SNAPC1: variants seen among roughly 807,000 people sequenced by gnomAD.
The protein encoded by SNAPC1 is small nuclear RNA activating complex polypeptide 1.
A neutral mutation model predicts 50.1 loss-of-function variants in SNAPC1; 42 were observed. The ratio of observed to expected loss-of-function variants is 0.84; its 90% CI spans 0.65 to 1.08. The LOEUF (loss-of-function observed/expected upper bound fraction) is 1.08. Among genes scored for constraint, SNAPC1 ranks in the 50% least tolerant of loss-of-function variants. The pLI is 0.00. For synonymous variants in SNAPC1, 164 were observed against 144.2 expected (o/e 1.14, Z -0.98); for missense variants, 477 against 427.3 (o/e 1.12, Z -1.02).
At chr14:61,782,895 GA>G (rs1385047889) in intron 8 of SNAPC1, among the ~76,000 whole-genome samples, 1 of 151,614 alleles carries the variant, frequency 6.6e-6, no homozygotes, top group Non-Finnish European at 1.5e-5. Context: ...GACAGAGCAA[GA>G]CTCTCAAAAC....
chr14:61,768,880 C>G (rs1320064324), intron 4 of SNAPC1, 140 bp downstream of exon 4: 2 of 530,752 alleles, frequency 3.8e-6, no homozygotes, highest in East Asian at 5.8e-5. Context: ...TCTAGAGTAT[C>G]AGACATAAAA....
At chr14:61,771,489 C>G (rs536999643) in intron 4 of SNAPC1, among the ~76,000 whole-genome samples, 3 of 151,974 alleles carry the variant, frequency 2.0e-5, no homozygotes. Context: ...TTTTTTTTCC[C>G]TCTAGCAGCT....
chr14:61,776,081 C>G lies in SNAPC1; in HGVS notation c.535-14C>G. ...AAAAGTGAAGAAATAAAGGACTCAT[C>G]TTTTTGCTTTTAGGAAATGCTGAAT... On this transcript the variant is annotated splice_polypyrimidine_tract_variant and intron_variant, in intron 4 of 9. Coordinates refer to ENST00000216294, the MANE Select transcript of SNAPC1 (RefSeq NM_003082.4). 6.4e-7 allele frequency: 1 copy of G among 1,566,614 alleles called. No individual in the cohort carries two copies.
chr14:61,782,381 G>T lies in SNAPC1; in HGVS notation c.960G>T (p.Met320Ile). The T allele has an allele frequency of 6.2e-7, 1 of 1,609,646 alleles. No homozygotes were observed. Among genetic ancestry groups the T allele is most frequent in the Non-Finnish European group, 8.5e-7 (1 of 1,178,852 alleles). Residue 320 changes from methionine (M) to isoleucine (I), a missense_variant, in exon 8 of 10, where the codon ATG becomes ATT. By Grantham distance (10) the Met-to-Ile change is conservative. Coordinates refer to ENST00000216294, the MANE Select transcript of SNAPC1 (RefSeq NM_003082.4). ...GATTGAAACCAGCAGGAAGGAAGATGTCTCTCAGAAACAAAGGTAACTTTT... is the reference window on the plus strand; with the variant it reads ...GATTGAAACCAGCAGGAAGGAAGATTTCTCTCAGAAACAAAGGTAACTTTT... The part of the protein sequence containing the change: ...KERLKPAGRK[M>I]SLRNKGNVQN...
In SNAPC1 at chr14:61,796,412, A is replaced by T. The variant is rs927766644; in HGVS notation, c.*1429A>T. The stretch of plus-strand genomic sequence containing the variant: ...GAATGCTAATGCTGACGCAAATAAA[A>T]TTTTCATTTATTAGCATTCATGCAG... On this transcript the variant is annotated 3_prime_UTR_variant, in exon 10 of 10. Transcript: ENST00000216294. 2 of 152,300 alleles carry T rather than the reference A, an allele frequency of 1.3e-5. No individual in the cohort carries two copies. Among genetic ancestry groups the T allele is most frequent in the African/African-American group, 4.8e-5 (2 of 41,556 alleles). 9.4% of individuals were successfully genotyped at this position (152,300 alleles called of 1,614,324 possible).
intron 1 of SNAPC1, among the ~76,000 whole-genome samples, chr14:61,762,819 T>TG (rs1411320276): frequency 1.3e-5 from 2 of 151,936 alleles, no homozygotes; most frequent in Non-Finnish European, 2.9e-5. Context: ...CGTCTCTGCC[T>TG]GGCCTCCCTT....
rs775498003 is a variant in SNAPC1, at chr14:61,762,541, G to T, written c.81G>T (p.Glu27Asp). ...RFQETDSVRF[E>D]DFTELWRNMK... is the part of the protein sequence containing the mutation. Reference sequence around the variant, plus strand: ...AGGAGACGGACAGTGTACGCTTCGAGGACTTCACGGAGCTCTGGAGAAACA... The same window carrying T: ...AGGAGACGGACAGTGTACGCTTCGATGACTTCACGGAGCTCTGGAGAAACA... The change falls in exon 1 of 10, where the codon GAG becomes GAT. Residue 27 changes from glutamate to aspartate, a missense_variant. Transcript: ENST00000216294. 4 of 1,563,380 alleles carry T rather than the reference G, an allele frequency of 2.6e-6. No homozygotes were observed. Among genetic ancestry groups the T allele is most frequent in the Admixed American group, 1.8e-5 (1 of 55,640 alleles).
Position 61,778,840 on chromosome 14 carries a change from A to G in SNAPC1, c.763-8A>G. The G allele has an allele frequency of 6.5e-7, 1 of 1,542,710 alleles. No individual in the cohort carries two copies. The highest frequency in any genetic ancestry group is 1.2e-5 in the South Asian group (1 of 81,128). On this transcript the variant is annotated splice_region_variant and splice_polypyrimidine_tract_variant and intron_variant, in intron 6 of 9. Coordinates refer to ENST00000216294, the MANE Select transcript of SNAPC1 (RefSeq NM_003082.4). ...TTAACTTTTTTTTCCTTCTTATTTT[A>G]CATCCAGAGATGTGAAAGGGCAGAA...
chr14:61,792,107 GA>G (rs59143719), intron 8 of SNAPC1, among the ~76,000 whole-genome samples: 1,246 of 114,306 alleles, frequency 0.011, 10 homozygotes, highest in Middle Eastern at 0.031. Context: ...CATTAAAAAA[GA>G]AAAAAAAAAA....
intron 1 of SNAPC1, among the ~76,000 whole-genome samples, chr14:61,762,981 C>CTTT (rs145378546): frequency 0.029 from 2,144 of 72,944 alleles, 601 homozygotes; most frequent in Middle Eastern, 0.094. Context: ...CCAAAGTTGT[C>CTTT]TTTTTTTTTT....
chr14:61,767,157 T>A (rs2044954083), intron 2 of SNAPC1, 55 bp from the exon 3 acceptor site: 2 of 1,274,584 alleles, frequency 1.6e-6, no homozygotes, highest in Non-Finnish European at 2.1e-6. Flanking sequence ...AATTATAATA[T>A]GTTTGTGAAA....
At chr14:61,782,213 T>C (rs1283132720) in intron 7 of SNAPC1, 34 bp from the exon 8 acceptor site, 1 of 1,469,726 alleles carries the variant, frequency 6.8e-7, no homozygotes. Flanking sequence ...ATTCATTTTA[T>C]AATTTATTGG....
At chr14:61,792,411 A>C (rs1424585944) in intron 8 of SNAPC1, among the ~76,000 whole-genome samples, 1 of 152,254 alleles carries the variant, frequency 6.6e-6, no homozygotes, top group East Asian at 1.9e-4. Flanking sequence ...GTTCACATCC[A>C]AAAGTAAGGC....
chr14:61,792,312 T>C (rs1220152943), intron 8 of SNAPC1, among the ~76,000 whole-genome samples: 1 of 152,192 alleles, frequency 6.6e-6, no homozygotes. Flanking sequence ...GTAGAGAACC[T>C]CTAGTGTTTT....
chr14:61,773,683 A>G (rs1006315759), intron 4 of SNAPC1, among the ~76,000 whole-genome samples: 2 of 145,576 alleles, frequency 1.4e-5, no homozygotes, highest in African/African-American at 5.1e-5. Flanking sequence ...GGCGCGGGCC[A>G]CCATGCCTGG....
intron 8 of SNAPC1, among the ~76,000 whole-genome samples, chr14:61,785,774 C>G (rs931578713): frequency 6.6e-6 from 1 of 152,074 alleles, no homozygotes; most frequent in South Asian, 2.1e-4. Context: ...ACAAATAATA[C>G]GCAATTTACT....
rs958350740 is a variant in SNAPC1, at chr14:61,773,580, T to G, written c.535-2515T>G. Among the ~76,000 whole-genome samples, 24 of 150,920 alleles carry G rather than the reference T, an allele frequency of 1.6e-4. 1 individual carries two copies. The highest frequency in any genetic ancestry group is 5.9e-4 in the African/African-American group (24 of 40,984). Reference sequence around the variant, plus strand: ...CAGCTAATTTTTTGTATTTTTTTAGTAGAGACAAGGTTTCACCGTGTTAGT... The same window carrying G: ...CAGCTAATTTTTTGTATTTTTTTAGGAGAGACAAGGTTTCACCGTGTTAGT... On this transcript the variant is annotated intron_variant, in intron 4 of 9. Transcript: ENST00000216294.
intron 3 of SNAPC1, among the ~76,000 whole-genome samples, chr14:61,768,120 T>C (rs529149431): frequency 1.3e-5 from 2 of 152,250 alleles, no homozygotes; most frequent in African/African-American, 2.4e-5. Flanking sequence ...TTCTAATTAC[T>C]ACTTTTTTTT....
At chr14:61,765,921 C>T (rs1034777587) in intron 1 of SNAPC1, among the ~76,000 whole-genome samples, 1 of 152,172 alleles carries the variant, frequency 6.6e-6, no homozygotes, top group Non-Finnish European at 1.5e-5. Context: ...GTTTCTCTAT[C>T]TTTTTCGCCT....
Sources: gnomAD v4.1 joint callset for allele counts (sites outside exome capture counted in the v4.1 genomes callset) on GRCh38, gnomAD v4.1.1 for gene constraint, MANE v1.5 for transcripts, NCBI Gene and HGNC (gene_info 2026-07-23, HGNC 2026-07-21) for gene names.